GPBP1L1: variants seen among roughly 807,000 people sequenced by gnomAD.
The protein encoded by GPBP1L1 is vasculin-like protein 1.
GPBP1L1 carries 23 observed loss-of-function variants against 52.5 expected under a neutral mutation model. That is an observed-to-expected ratio of 0.44 (90% CI 0.32 to 0.62). GPBP1L1 has a LOEUF of 0.62. Ranked by LOEUF, GPBP1L1 falls within the 20% of genes least tolerant of loss-of-function variation. The pLI, the probability that GPBP1L1 is intolerant of heterozygous loss-of-function variation, is 0.06. For missense variants in GPBP1L1, 596 were observed against 579.3 expected (o/e 1.03, Z -0.30); for synonymous variants, 243 against 203.1 (o/e 1.20, Z -1.67).
intron 1 of GPBP1L1, among the ~76,000 whole-genome samples, chr1:45,685,879 T>C (rs1050716452): frequency 6.6e-6 from 1 of 152,162 alleles, no homozygotes; most frequent in Non-Finnish European, 1.5e-5. Flanking sequence ...GGTTGGTAGA[T>C]ATCGGATAGA....
At chr1:45,643,548 G>A (rs1227081369) in intron 6 of GPBP1L1, among the ~76,000 whole-genome samples, 1 of 151,712 alleles carries the variant, frequency 6.6e-6, no homozygotes, top group Non-Finnish European at 1.5e-5. Flanking sequence ...AACGAGATAA[G>A]GGAAAGGGCA....
intron 6 of GPBP1L1, chr1:45,645,775 T>G (rs996820260): frequency 2.5e-5 from 9 of 355,626 alleles, no homozygotes; most frequent in African/African-American, 2.2e-5. Flanking sequence ...TTTGTTTTTT[T>G]TTTTTTTGAG....
At chr1:45,630,634 T>G (rs766013424) in intron 10 of GPBP1L1, 28 bp from the exon 11 acceptor site, 2 of 1,612,312 alleles carry the variant, frequency 1.2e-6, no homozygotes, top group African/African-American at 2.7e-5. Context: ...AAGGACACAG[T>G]TGGTTTAAGG....
rs373836273 is a variant in GPBP1L1, at chr1:45,630,449, C to T, written c.1169+33G>A. On this transcript the variant is annotated intron_variant, in intron 11 of 12. Coordinates refer to ENST00000355105, the MANE Select transcript of GPBP1L1 (RefSeq NM_021639.5). ...ATGTTCAAGGTCCTTAAAGGTCAGA[C>T]ACTGCATGCCCTGTGATGTCCTCCT... 7.5e-6 allele frequency: 12 copies of T among 1,609,814 alleles called. No homozygotes were observed. In the South Asian group the frequency reaches 7.7e-5, roughly 10 times the overall value.
rs186034790 is a variant in GPBP1L1 at position 45,649,733 on chromosome 1, T to C, written c.477+4810A>G. 7.9e-5 allele frequency among the ~76,000 whole-genome samples: 12 copies of C among 152,346 alleles called. No homozygotes were observed. In the East Asian group the frequency reaches 2.3e-3, roughly 29 times the overall value. ...CACATATAAAATATACTCAATTCTA[T>C]GAGTTTTTAAAATGCTAATACCTCC... On this transcript the variant is annotated intron_variant, in intron 6 of 12. Coordinates refer to ENST00000355105, the MANE Select transcript of GPBP1L1 (RefSeq NM_021639.5).
At chr1:45,633,338 T>C in intron 10 of GPBP1L1, 151 bp downstream of exon 10, 1 of 706,642 alleles carries the variant, frequency 1.4e-6, no homozygotes, top group Non-Finnish European at 2.3e-6. Context: ...AAACTCACTT[T>C]ACTATGTGGT....
chr1:45,658,905 G>A (rs895977999), intron 4 of GPBP1L1, 123 bp downstream of exon 4: 18 of 721,322 alleles, frequency 2.5e-5, no homozygotes, highest in Non-Finnish European at 3.3e-5. Context: ...TCACACTACC[G>A]CACTTCATCC....
intron 7 of GPBP1L1, among the ~76,000 whole-genome samples, 198 bp downstream of exon 7, chr1:45,642,229 T>A (rs1237084188): frequency 6.6e-6 from 1 of 152,086 alleles, no homozygotes; most frequent in East Asian, 1.9e-4. Flanking sequence ...TCTACTACCA[T>A]GGTAACATTT....
intron 2 of GPBP1L1, among the ~76,000 whole-genome samples, chr1:45,681,846 A>T (rs1168832362): frequency 2.0e-5 from 3 of 152,224 alleles, no homozygotes; most frequent in Non-Finnish European, 4.4e-5. Flanking sequence ...CTACAAAGCC[A>T]ACCACTGATT....
rs756350625 is a variant in GPBP1L1 at position 45,634,095 on chromosome 1, C to G, written c.885+1G>C. On this transcript the variant is annotated splice_donor_variant, in intron 9 of 12. Coordinates refer to ENST00000355105, the MANE Select transcript of GPBP1L1 (RefSeq NM_021639.5). LOFTEE classifies it high-confidence loss of function. ...GACTGTCCTGCTTCATCCTCACTCA[C>G]CTCTTTGGGAGAACTCAGAGCTGCA... The G allele has an allele frequency of 6.2e-7, 1 of 1,604,720 alleles. No individual in the cohort carries two copies. The highest frequency in any genetic ancestry group is 1.1e-5 in the South Asian group (1 of 90,328).
chr1:45,683,684 T>C (rs891087713), intron 2 of GPBP1L1, among the ~76,000 whole-genome samples: 4 of 149,494 alleles, frequency 2.7e-5, no homozygotes, highest in Non-Finnish European at 5.9e-5. Context: ...AGACCATTGC[T>C]TGAGTCCCTG....
intron 6 of GPBP1L1, chr1:45,645,998 C>A (rs903322177): frequency 2.0e-6 from 1 of 507,428 alleles, no homozygotes; most frequent in South Asian, 1.4e-5. Context: ...ACTTGTTTAG[C>A]CTGCCTGTGA....
At chr1:45,658,695 C>A in intron 4 of GPBP1L1, 1 of 285,786 alleles carries the variant, frequency 3.5e-6, no homozygotes, top group South Asian at 8.7e-5. Flanking sequence ...TTTGGGAAGT[C>A]CAGGTAGGCG....
intron 1 of GPBP1L1, 73 bp downstream of exon 1, chr1:45,686,339 G>C (rs956392218): frequency 6.6e-6 from 1 of 152,438 alleles, no homozygotes; most frequent in South Asian, 2.1e-4. Context: ...CCGTTGGTTA[G>C]GCACCGGGCG....
chr1:45,634,806 AGGGTCTG>A (rs1042219556), intron 8 of GPBP1L1: 1 of 152,598 alleles, frequency 6.6e-6, no homozygotes, highest in African/African-American at 2.4e-5. Context: ...TCAACTCTGC[AGGGTCTG>A]GGCCCATTCT....
chr1:45,650,614 A>G (rs1339209197), intron 6 of GPBP1L1, among the ~76,000 whole-genome samples: 1 of 152,224 alleles, frequency 6.6e-6, no homozygotes, highest in African/African-American at 2.4e-5. Flanking sequence ...ATAGAAAAAA[A>G]TAATACAGAA....
At chr1:45,634,381 A>T in intron 8 of GPBP1L1, 145 bp from the exon 9 acceptor site, 1 of 757,150 alleles carries the variant, frequency 1.3e-6, no homozygotes, top group Non-Finnish European at 2.0e-6. Context: ...GGAAGTATGC[A>T]ACCTCTTTCG....
At chr1:45,631,725 A>T (rs894203747) in intron 10 of GPBP1L1, among the ~76,000 whole-genome samples, 43 of 152,168 alleles carry the variant, frequency 2.8e-4, no homozygotes, top group African/African-American at 9.4e-4. Context: ...GTTTAACACC[A>T]GCCTGAGCAA....
At chr1:45,681,687 ATTAT>A (rs999874499) in intron 2 of GPBP1L1, among the ~76,000 whole-genome samples, 1 of 152,252 alleles carries the variant, frequency 6.6e-6, no homozygotes, top group African/African-American at 2.4e-5. Context: ...TTATACAAAT[ATTAT>A]TTATTACAAC....
Sources: allele counts gnomAD v4.1 joint callset (sites outside exome capture counted in the v4.1 genomes callset), GRCh38; gene constraint gnomAD v4.1.1; transcripts MANE v1.5; gene names NCBI Gene and HGNC (gene_info 2026-07-23, HGNC 2026-07-21).